ACACA: variants seen among roughly 807,000 people sequenced by gnomAD.
ACACA encodes acetyl-CoA carboxylase alpha, also known as acetyl-CoA carboxylase 1.
Under a neutral mutation model 296.1 loss-of-function variants are expected in ACACA, and 103 were observed. The observed-to-expected ratio is 0.35, with a 90% CI of 0.30 to 0.41. The LOEUF (loss-of-function observed/expected upper bound fraction) is 0.41. Among genes scored for constraint, ACACA ranks in the 10% least tolerant of loss-of-function variants. The probability of loss-of-function intolerance (pLI) is 1.00; values close to 1 mark genes in which losing one functional copy is unlikely to be tolerated. For synonymous variants in ACACA, 953 were observed against 1,038.6 expected (o/e 0.92, Z 1.58); for missense variants, 1,554 against 2,989.7 (o/e 0.52, Z 11.20).
At position 37,118,539 on chromosome 17, in the gene ACACA, C is replaced by T. The variant is rs775350228; in HGVS notation, c.6274+2816G>A. 1.3e-5 allele frequency among the ~76,000 whole-genome samples: 2 copies of T among 152,148 alleles called. 1 individual carries two copies. Among genetic ancestry groups the T allele is most frequent in the South Asian group, 4.1e-4 (2 of 4,832 alleles). ...GGTGGATAATAACTTTTTCAGGAAC[C>T]TTGACATTCTGTTATAGGGATATTC... On this transcript the variant is annotated intron_variant, in intron 50 of 55. Coordinates refer to ENST00000616317, the MANE Select transcript of ACACA (RefSeq NM_198834.3).
chr17:37,316,583 G>A (rs189688917), intron 3 of ACACA, among the ~76,000 whole-genome samples: 57 of 152,208 alleles, frequency 3.7e-4, no homozygotes, highest in African/African-American at 1.2e-3. Context: ...GGGAAACCTC[G>A]TACACTGTTG....
chr17:37,352,915 G>C (rs939608746), intron 1 of ACACA, among the ~76,000 whole-genome samples: 1 of 152,158 alleles, frequency 6.6e-6, no homozygotes, highest in South Asian at 2.1e-4. Context: ...TGCAGTTTTA[G>C]GGAGGCAGTT....
intron 16 of ACACA, among the ~76,000 whole-genome samples, chr17:37,250,951 C>T (rs1028286467): frequency 6.6e-6 from 1 of 151,984 alleles, no homozygotes; most frequent in East Asian, 1.9e-4. Context: ...GGCGTGAACC[C>T]GAGAGGCGGA....
In ACACA at chr17:37,345,543, T is replaced by G. The variant is rs377140367; in HGVS notation, c.39-5693A>C. On this transcript the variant is annotated intron_variant, in intron 1 of 55. Coordinates refer to ENST00000616317, the MANE Select transcript of ACACA (RefSeq NM_198834.3). The stretch of plus-strand genomic sequence containing the variant: ...AGATTACCAGATGTCTGAGAAAAAC[T>G]TCAACATGAAAGACTAAAAACAAAT... Among the ~76,000 whole-genome samples the G allele has an allele frequency of 3.3e-5, 5 of 152,056 alleles. No individual in the cohort carries two copies. In the East Asian group the frequency reaches 5.8e-4, roughly 18 times the overall value.
intron 1 of ACACA, among the ~76,000 whole-genome samples, chr17:37,381,777 G>T (rs968731684): frequency 1.1e-4 from 17 of 151,308 alleles, no homozygotes; most frequent in Non-Finnish European, 1.8e-4. Context: ...ACAGGCACTC[G>T]CCACCACACC....
intron 1 of ACACA, 142 bp from the exon 2 acceptor site, chr17:37,339,992 C>T (rs145833465): frequency 1.9e-4 from 101 of 529,586 alleles, no homozygotes; most frequent in Middle Eastern, 5.0e-4. Context: ...TAACTTAAAG[C>T]ACAAAGTTTA....
chr17:37,330,172 C>A lies in ACACA; in HGVS notation c.338+1G>T. On this transcript the variant is annotated splice_donor_variant, in intron 3 of 55. Coordinates refer to ENST00000616317, the MANE Select transcript of ACACA (RefSeq NM_198834.3). LOFTEE classifies it high-confidence loss of function. Reference sequence around the variant, plus strand: ...AAGTAGACCATTGAACTCTCTCTTACCTTATGTGCAAGGCCAAGCCATCCT... The same window carrying A: ...AAGTAGACCATTGAACTCTCTCTTAACTTATGTGCAAGGCCAAGCCATCCT... 3 of 1,614,122 alleles carry A rather than the reference C, an allele frequency of 1.9e-6. No homozygotes were observed. The highest frequency in any genetic ancestry group is 2.5e-6 in the Non-Finnish European group (3 of 1,180,012).
At chr17:37,193,495 A>G in intron 35 of ACACA, 80 bp from the exon 36 acceptor site, 1 of 1,097,194 alleles carries the variant, frequency 9.1e-7, no homozygotes, top group Non-Finnish European at 1.4e-6. Context: ...GAAACAGTTA[A>G]GCATTTAGAA....
intron 2 of ACACA, among the ~76,000 whole-genome samples, chr17:37,336,642 T>C (rs2048132550): frequency 6.6e-6 from 1 of 152,188 alleles, no homozygotes; most frequent in South Asian, 2.1e-4. Context: ...TCCCTTTGTA[T>C]GGGAGCTCTG....
chr17:37,095,169 A>C (rs988083512), intron 54 of ACACA, among the ~76,000 whole-genome samples: 1 of 152,202 alleles, frequency 6.6e-6, no homozygotes, highest in African/African-American at 2.4e-5. Flanking sequence ...GAGGCAGTGC[A>C]GGCCTCTCCT....
At chr17:37,402,607 C>T (rs1036965100) in intron 1 of ACACA, among the ~76,000 whole-genome samples, 5 of 152,120 alleles carry the variant, frequency 3.3e-5, no homozygotes, top group African/African-American at 1.2e-4. Context: ...TTGTAAGTCA[C>T]ATTCAGGTGC....
At position 37,353,890 on chromosome 17, in the gene ACACA, T is replaced by C. The variant is rs974767031; in HGVS notation, c.39-14040A>G. Among the ~76,000 whole-genome samples, 4 of 152,062 alleles carry C rather than the reference T, an allele frequency of 2.6e-5. 1 individual carries two copies. Among genetic ancestry groups the C allele is most frequent in the Admixed American group, 2.0e-4 (3 of 15,226 alleles). ...TGGGAGGCCAAGGCAGGAGGATTGCTTGAGCCTAGGAGTTCGAAACCAGCC... is the reference window on the plus strand; with the variant it reads ...TGGGAGGCCAAGGCAGGAGGATTGCCTGAGCCTAGGAGTTCGAAACCAGCC... On this transcript the variant is annotated intron_variant, in intron 1 of 55. Transcript: ENST00000616317.
At chr17:37,248,190 C>G (rs1442646824) in intron 17 of ACACA, 34 bp from the exon 18 acceptor site, 1 of 1,613,352 alleles carries the variant, frequency 6.2e-7, no homozygotes, top group East Asian at 2.2e-5. Flanking sequence ...CAGTGTGTCC[C>G]TTCCAGGTAC....
intron 35 of ACACA, 89 bp from the exon 36 acceptor site, chr17:37,193,504 A>C: frequency 1.9e-6 from 2 of 1,055,804 alleles, no homozygotes; most frequent in South Asian, 2.6e-5. Context: ...AAGCATTTAG[A>C]AGACAGTTTT....
At chr17:37,290,753 A>G in intron 3 of ACACA, among the ~76,000 whole-genome samples, 1 of 131,948 alleles carries the variant, frequency 7.6e-6, no homozygotes, top group East Asian at 2.1e-4. Flanking sequence ...CCTGGGCCAC[A>G]CTGGAAGAAG....
chr17:37,267,816 A>G (rs1178184510), intron 10 of ACACA, among the ~76,000 whole-genome samples: 2 of 150,298 alleles, frequency 1.3e-5, no homozygotes, highest in Non-Finnish European at 1.5e-5. Context: ...ACTGGAGTGC[A>G]GTGGCACAAT....
chr17:37,401,384 G>C lies in ACACA; in HGVS notation c.38+4878C>G, dbSNP rs111773467. Among the ~76,000 whole-genome samples the C allele has an allele frequency of 5.8e-3, 881 of 151,502 alleles. 5 individuals are homozygous for C. The highest frequency in any genetic ancestry group is 0.018 in the African/African-American group (761 of 41,324). ...ATTTTTGTTTTTTTAGTAGAGACAGGGTTTCACCAGGTTGGCCCGGCTGGT... is the reference window on the plus strand; with the variant it reads ...ATTTTTGTTTTTTTAGTAGAGACAGCGTTTCACCAGGTTGGCCCGGCTGGT... On this transcript the variant is annotated intron_variant, in intron 1 of 55. Transcript: ENST00000616317.
At chr17:37,280,968 C>T (rs1484041110) in intron 5 of ACACA, among the ~76,000 whole-genome samples, 2 of 152,014 alleles carry the variant, frequency 1.3e-5, no homozygotes, top group Non-Finnish European at 2.9e-5. Context: ...TTCTTTCTGT[C>T]TGGTACACCT....
chr17:37,122,840 C>T (rs1283237993), intron 48 of ACACA: 7 of 637,520 alleles, frequency 1.1e-5, no homozygotes, highest in Non-Finnish European at 1.7e-5. Context: ...AGAATCACTT[C>T]TATTCGGAAA....
Sources: gnomAD v4.1 joint callset for allele counts (sites outside exome capture counted in the v4.1 genomes callset) on GRCh38, gnomAD v4.1.1 for gene constraint, MANE v1.5 for transcripts, NCBI Gene and HGNC (gene_info 2026-07-23, HGNC 2026-07-21) for gene names.